SDK2: variants seen among roughly 807,000 people sequenced by gnomAD.
The protein encoded by SDK2 is protein sidekick-2.
A neutral mutation model predicts 253.9 loss-of-function variants in SDK2; 105 were observed. The ratio of observed to expected loss-of-function variants is 0.41; its 90% CI spans 0.35 to 0.49. The LOEUF is 0.49. Ranked by LOEUF, SDK2 falls within the 20% of genes least tolerant of loss-of-function variation. SDK2 has a pLI of 0.06. For synonymous variants in SDK2, 1,249 were observed against 1,234.9 expected, an observed-to-expected ratio of 1.01 and a Z score of -0.24; for missense variants, 2,608 against 3,003.0, an observed-to-expected ratio of 0.87 and a Z score of 3.07.
At chr17:73,406,317 C>T (rs2063078829) in intron 18 of SDK2, among the ~76,000 whole-genome samples, 1 of 150,386 alleles carries the variant, frequency 6.6e-6, no homozygotes, top group African/African-American at 2.4e-5. Flanking sequence ...GATCTCCGCT[C>T]ACTGCAATCT....
chr17:73,481,324 G>T lies in SDK2; in HGVS notation c.225-9106C>A, dbSNP rs2063722247. On this transcript the variant is annotated intron_variant, in intron 2 of 44. Transcript: ENST00000392650. The surrounding 1 kb of genome is among the most constrained non-coding windows in gnomAD (Gnocchi z 4.5). Reference sequence around the variant, plus strand: ...CTAGGGAACCTGAGGGTGGAGAGGGGGTACCCGCAGTGGACAGAACAGGGA... The same window carrying T: ...CTAGGGAACCTGAGGGTGGAGAGGGTGTACCCGCAGTGGACAGAACAGGGA... Among the ~76,000 whole-genome samples, 1 of 152,154 alleles carries T rather than the reference G, an allele frequency of 6.6e-6. No homozygotes were observed. Among genetic ancestry groups the T allele is most frequent in the Non-Finnish European group, 1.5e-5 (1 of 68,022 alleles).
intron 44 of SDK2, among the ~76,000 whole-genome samples, chr17:73,344,226 G>A (rs2062463568): frequency 6.6e-6 from 1 of 152,180 alleles, no homozygotes; most frequent in Non-Finnish European, 1.5e-5. Flanking sequence ...TTTGAAAAAT[G>A]TCAGCTCAGA....
At chr17:73,345,866 C>T (rs939332362) in intron 44 of SDK2, among the ~76,000 whole-genome samples, 24 of 152,166 alleles carry the variant, frequency 1.6e-4, no homozygotes, top group African/African-American at 5.6e-4. Flanking sequence ...CTGAACACTT[C>T]ATAAATGTTT....
At chr17:73,532,863 C>T (rs1246107199) in intron 1 of SDK2, among the ~76,000 whole-genome samples, 3 of 152,216 alleles carry the variant, frequency 2.0e-5, no homozygotes, top group Non-Finnish European at 4.4e-5. Context: ...TGTCTGTCTT[C>T]AGTCACAGGC....
At position 73,489,176 on chromosome 17, in the gene SDK2, G is replaced by C. The variant is rs60043869; in HGVS notation, c.225-16958C>G. ...CTTGTGTTTAGGTGAAAACGTTACT[G>C]CTGCTGCCACACTTGGCTTAGAAAT... On this transcript the variant is annotated intron_variant, in intron 2 of 44. Coordinates refer to ENST00000392650, the MANE Select transcript of SDK2 (RefSeq NM_001144952.2). 1.7e-3 allele frequency among the ~76,000 whole-genome samples: 260 copies of C among 152,302 alleles called. 1 individual carries two copies. The highest frequency in any genetic ancestry group is 5.9e-3 in the African/African-American group (246 of 41,558).
At chr17:73,516,890 C>A (rs2064033705) in intron 1 of SDK2, 1 of 152,226 alleles carries the variant, frequency 6.6e-6, no homozygotes, top group Admixed American at 6.5e-5. Flanking sequence ...GGGGCACTGG[C>A]CACCAGGGCA....
At chr17:73,418,055 T>C (rs994904656) in intron 16 of SDK2, among the ~76,000 whole-genome samples, 1 of 136,440 alleles carries the variant, frequency 7.3e-6, no homozygotes, top group Admixed American at 8.9e-5. Flanking sequence ...TCGCCCAGGC[T>C]GGAGTGCAGT....
intron 13 of SDK2, 54 bp from the exon 14 acceptor site, chr17:73,423,576 G>T: frequency 6.8e-7 from 1 of 1,461,422 alleles, no homozygotes. Flanking sequence ...GGCAGGTGAC[G>T]GGGGCGCTGT....
At chr17:73,362,272 C>A (rs1463886423) in intron 38 of SDK2, among the ~76,000 whole-genome samples, 1 of 152,116 alleles carries the variant, frequency 6.6e-6, no homozygotes, top group Non-Finnish European at 1.5e-5. Flanking sequence ...GGAAGTGCTT[C>A]CATAAAAATA....
chr17:73,522,404 G>A (rs1440840464), intron 1 of SDK2, among the ~76,000 whole-genome samples: 2 of 152,250 alleles, frequency 1.3e-5, no homozygotes, highest in Non-Finnish European at 2.9e-5. Context: ...AGAGGAGTCT[G>A]CTGAAGGGGG....
intron 21 of SDK2, 68 bp from the exon 22 acceptor site, chr17:73,399,357 T>A: frequency 6.4e-7 from 1 of 1,562,614 alleles, no homozygotes; most frequent in East Asian, 2.2e-5. Context: ...AACGGGACTG[T>A]TGGGCATGGA....
Position 73,361,851 on chromosome 17 carries a change from G to A in SDK2, c.5306-6C>T, listed in dbSNP as rs771720473. 42 of 1,575,358 alleles carry A rather than the reference G, an allele frequency of 2.7e-5. No individual in the cohort carries two copies. Among genetic ancestry groups the A allele is most frequent in the Non-Finnish European group, 3.6e-5 (42 of 1,156,926 alleles). ...GGTCACGATCTTGCTGACTCCTGGG[G>A]GAGGCACAGCAAGTGGGGACTGGGC... On this transcript the variant is annotated splice_region_variant and splice_polypyrimidine_tract_variant and intron_variant, in intron 38 of 44. Coordinates refer to ENST00000392650, the MANE Select transcript of SDK2 (RefSeq NM_001144952.2). The surrounding 1 kb of genome is among the most constrained non-coding windows in gnomAD (Gnocchi z 4.1).
Position 73,401,769 on chromosome 17 carries a change from A to AC in SDK2, c.2681-18dup, listed in dbSNP as rs1189973108. 1 of 1,557,044 alleles carries AC rather than the reference A, an allele frequency of 6.4e-7. No homozygotes were observed. Among genetic ancestry groups the AC allele is most frequent in the Non-Finnish European group, 8.7e-7 (1 of 1,149,518 alleles). Reference sequence around the variant, plus strand: ...GCCCAGGCACTGCACCCCAAAAGGAACCCCCACCCCCCAAGGCCAGTTAGA... The same window carrying AC: ...GCCCAGGCACTGCACCCCAAAAGGAACCCCCCACCCCCCAAGGCCAGTTAGA... On this transcript the variant is annotated splice_polypyrimidine_tract_variant and intron_variant, in intron 19 of 44. Coordinates refer to ENST00000392650, the MANE Select transcript of SDK2 (RefSeq NM_001144952.2).
intron 44 of SDK2, among the ~76,000 whole-genome samples, chr17:73,343,069 G>A (rs1047848407): frequency 2.0e-5 from 3 of 152,218 alleles, no homozygotes; most frequent in African/African-American, 7.2e-5. Flanking sequence ...CCAAGACAGA[G>A]GCATGTCCGG....
chr17:73,503,057 G>T (rs941337214), intron 2 of SDK2, among the ~76,000 whole-genome samples: 3 of 152,174 alleles, frequency 2.0e-5, no homozygotes, highest in Admixed American at 1.3e-4. Context: ...CCACATTGAG[G>T]GAAATTCTGC....
chr17:73,484,389 G>A (rs903116920), intron 2 of SDK2, among the ~76,000 whole-genome samples: 1 of 152,192 alleles, frequency 6.6e-6, no homozygotes, highest in Non-Finnish European at 1.5e-5. Context: ...GGTGTGCAGG[G>A]GAGACTCAGT....
intron 18 of SDK2, among the ~76,000 whole-genome samples, chr17:73,412,185 C>T (rs1261235684): frequency 2.7e-5 from 4 of 145,552 alleles, no homozygotes; most frequent in Non-Finnish European, 6.0e-5. Context: ...TATGTATATG[C>T]ACATACACAC....
Position 73,393,543 on chromosome 17 carries a change from C to T in SDK2, c.3898+17G>A. The stretch of plus-strand genomic sequence containing the variant: ...CTCCTCCCAGCCTTCCCCAAGCTTG[C>T]TGGGATACGGACTCACCATCATCCA... On this transcript the variant is annotated intron_variant, in intron 27 of 44. Transcript: ENST00000392650. 1.3e-6 allele frequency: 2 copies of T among 1,512,174 alleles called. No homozygotes were observed. The highest frequency in any genetic ancestry group is 1.8e-4 in the Middle Eastern group (1 of 5,666). 93.7% of individuals were successfully genotyped at this position (1,512,174 alleles called of 1,614,324 possible).
chr17:73,409,853 G>GTCTCTC (rs58109602), intron 18 of SDK2, among the ~76,000 whole-genome samples: 1 of 151,858 alleles, frequency 6.6e-6, no homozygotes, highest in Non-Finnish European at 1.5e-5. Flanking sequence ...GTCTGTCTCT[G>GTCTCTC]TCTCTCTCTT....
Sources: gnomAD v4.1 joint callset for allele counts (sites outside exome capture counted in the v4.1 genomes callset) on GRCh38, gnomAD v4.1.1 for gene constraint, Gnocchi (gnomAD v3.1) non-coding constraint, MANE v1.5 for transcripts, NCBI Gene and HGNC (gene_info 2026-07-23, HGNC 2026-07-21) for gene names.